Variants in DHX15 observed in about 807,000 individuals in gnomAD.
DHX15 encodes DEAH-box helicase 15, also known as ATP-dependent RNA helicase DHX15.
A neutral mutation model predicts 94.4 loss-of-function variants in DHX15; 11 were observed. That is an observed-to-expected ratio of 0.12 (90% CI 0.07 to 0.19). The LOEUF (loss-of-function observed/expected upper bound fraction) is 0.19. Among genes scored for constraint, DHX15 ranks in the 10% least tolerant of loss-of-function variants. DHX15 has a pLI of 1.00. For missense variants in DHX15, 304 were observed against 988.5 expected, an observed-to-expected ratio of 0.31 and a Z score of 9.29; for synonymous variants, 338 against 329.9, an observed-to-expected ratio of 1.02 and a Z score of -0.27.
chr4:24,576,006 T>C (rs1464218741), intron 2 of DHX15, among the ~76,000 whole-genome samples: 3 of 152,174 alleles, frequency 2.0e-5, no homozygotes, highest in Admixed American at 6.5e-5. Flanking sequence ...ACCTCTGCCA[T>C]ACATAAGGTA....
In DHX15 at chr4:24,570,749, A is replaced by G; in HGVS notation, c.606T>C (p.Ala202=). 4 of 1,614,202 alleles carry G rather than the reference A, an allele frequency of 2.5e-6. No homozygotes were observed. Among genetic ancestry groups the G allele is most frequent in the Non-Finnish European group, 3.4e-6 (4 of 1,180,048 alleles). The change falls in exon 3 of 14, where the codon GCT becomes GCC. Residue 202 remains alanine (A), a synonymous_variant. Coordinates refer to ENST00000336812, the MANE Select transcript of DHX15 (RefSeq NM_001358.3). The part of the protein sequence containing the change: ...QPRRVAAMSV[A]QRVADEMDVM... ...CATCCATCTCATCAGCAACTCTCTG[A>G]GCCACACTCATTGCAGCCACTCTCC...
At chr4:24,563,123 TATATAC>T (rs1395867410) in intron 3 of DHX15, 2 of 151,028 alleles carry the variant, frequency 1.3e-5, no homozygotes, top group Admixed American at 6.6e-5. Flanking sequence ...GGTTTATCTT[TATATAC>T]ATATAAAGAA....
chr4:24,583,597 C>A (rs1022587944), intron 1 of DHX15, among the ~76,000 whole-genome samples: 3 of 152,102 alleles, frequency 2.0e-5, no homozygotes, highest in African/African-American at 7.2e-5. Flanking sequence ...TTGCTAGTAT[C>A]TACTTTGAAG....
At position 24,550,094 on chromosome 4, in the gene DHX15, CAAAAAAAAAAAAAA is replaced by C. The variant is rs58459661; in HGVS notation, c.1081-1086_1081-1073del. ...GGGCAAAAAGAGGGAAACTCCGTCT[CAAAAAAAAAAAAAA>C]AAAAAAAAAAAAAAACGGTAAAAAT... On this transcript the variant is annotated intron_variant, in intron 5 of 13. Transcript: ENST00000336812. Among the ~76,000 whole-genome samples, 140 of 49,746 alleles carry C rather than the reference CAAAAAAAAAAAAAA, an allele frequency of 2.8e-3. 4 individuals are homozygous for C. Among genetic ancestry groups the C allele is most frequent in the South Asian group, 8.4e-3 (7 of 836 alleles). The allele number at this position is 49,746 out of a possible 152,430, so 32.6% of individuals were successfully genotyped here. A position where few individuals can be genotyped will look rare whatever the true frequency, so the allele number is the denominator to read the frequency against.
chr4:24,576,745 C>A, intron 1 of DHX15, 67 bp from the exon 2 acceptor site: 1 of 1,559,882 alleles, frequency 6.4e-7, no homozygotes, highest in South Asian at 1.2e-5. Context: ...GCGTTATAAT[C>A]ACAAAGAGAG....
intron 1 of DHX15, among the ~76,000 whole-genome samples, chr4:24,582,010 G>A (rs1238720669): frequency 6.6e-6 from 1 of 152,076 alleles, no homozygotes; most frequent in African/African-American, 2.4e-5. Context: ...ACCCTATCTG[G>A]CAGTGGAGTT....
chr4:24,579,233 T>A (rs980189488), intron 1 of DHX15, among the ~76,000 whole-genome samples: 10 of 152,276 alleles, frequency 6.6e-5, no homozygotes, highest in African/African-American at 2.4e-4. Context: ...CAGATTAAAG[T>A]AAGAAAACAG....
chr4:24,556,557 G>A, intron 3 of DHX15, 147 bp from the exon 4 acceptor site: 2 of 614,204 alleles, frequency 3.3e-6, no homozygotes, highest in South Asian at 2.9e-5. Flanking sequence ...ATGATCAATT[G>A]CAAAATTAAG....
chr4:24,573,240 C>T (rs1394607416), intron 2 of DHX15, among the ~76,000 whole-genome samples: 4 of 152,172 alleles, frequency 2.6e-5, no homozygotes, highest in African/African-American at 9.7e-5. Flanking sequence ...GCCATTCCTC[C>T]TTTTCAGCTC....
rs1560765957 is a variant in DHX15 at position 24,547,941 on chromosome 4, AT to A, written c.1248+913del. 9.6e-3 allele frequency among the ~76,000 whole-genome samples: 316 copies of A among 33,034 alleles called. 3 individuals carry two copies. Among genetic ancestry groups the A allele is most frequent in the African/African-American group, 0.016 (114 of 7,278 alleles). 21.7% of individuals were successfully genotyped at this position (33,034 alleles called of 152,430 possible). ...TATATATATATATATATATATATAT[AT>A]CTATATCTATATCTATATCTATCTG... On this transcript the variant is annotated intron_variant, in intron 6 of 13. Transcript: ENST00000336812.
At chr4:24,581,311 A>G (rs1382412616) in intron 1 of DHX15, among the ~76,000 whole-genome samples, 1 of 152,222 alleles carries the variant, frequency 6.6e-6, no homozygotes, top group African/African-American at 2.4e-5. Context: ...TACAGGCGTG[A>G]GCCATTGCGC....
chr4:24,573,611 G>C (rs6821920), intron 2 of DHX15, among the ~76,000 whole-genome samples: 9,763 of 152,028 alleles, frequency 0.064, 396 homozygotes, highest in African/African-American at 0.11. Flanking sequence ...CTAGACAGGA[G>C]TTTTTTTAAA....
intron 1 of DHX15, among the ~76,000 whole-genome samples, chr4:24,583,674 C>G (rs1722526698): frequency 6.6e-6 from 1 of 152,168 alleles, no homozygotes; most frequent in Non-Finnish European, 1.5e-5. Flanking sequence ...AAAACACCAG[C>G]CTTCCAGCCC....
intron 3 of DHX15, among the ~76,000 whole-genome samples, chr4:24,561,382 T>C (rs781767539): frequency 1.4e-4 from 22 of 152,162 alleles, no homozygotes; most frequent in Non-Finnish European, 2.5e-4. Context: ...AGTTCAGCCA[T>C]TGTGGAAAGC....
intron 3 of DHX15, among the ~76,000 whole-genome samples, chr4:24,569,440 AAGT>A (rs1722068314): frequency 6.6e-6 from 1 of 151,880 alleles, no homozygotes; most frequent in Non-Finnish European, 1.5e-5. Context: ...AAGATACAAA[AAGT>A]TAGCCAGGCA....
intron 4 of DHX15, 70 bp downstream of exon 4, chr4:24,556,181 G>T: frequency 7.5e-7 from 1 of 1,341,732 alleles, no homozygotes; most frequent in Non-Finnish European, 1.0e-6. Context: ...TTATTGATCA[G>T]TATGTATTCC....
chr4:24,560,462 A>G (rs942837809), intron 3 of DHX15, among the ~76,000 whole-genome samples: 4 of 152,164 alleles, frequency 2.6e-5, no homozygotes, highest in Non-Finnish European at 5.9e-5. Context: ...TGGACATCAT[A>G]AAAGTGGTTA....
chr4:24,551,411 C>T (rs1241457029), intron 5 of DHX15, among the ~76,000 whole-genome samples: 2 of 151,952 alleles, frequency 1.3e-5, no homozygotes, highest in Non-Finnish European at 2.9e-5. Context: ...TCAAAAAACA[C>T]AACGTTCTTA....
intron 2 of DHX15, among the ~76,000 whole-genome samples, chr4:24,574,245 T>C (rs1489793978): frequency 1.4e-5 from 2 of 139,484 alleles, no homozygotes; most frequent in East Asian, 2.1e-4. Context: ...GTCATTACTT[T>C]AGATTTTGTT....
Sources: allele counts gnomAD v4.1 joint callset (sites outside exome capture counted in the v4.1 genomes callset), GRCh38; gene constraint gnomAD v4.1.1; transcripts MANE v1.5; gene names NCBI Gene and HGNC (gene_info 2026-07-23, HGNC 2026-07-21).